DIAPH3: variants seen among roughly 807,000 people sequenced by gnomAD.
DIAPH3 encodes protein diaphanous homolog 3.
Under a neutral mutation model 144.3 loss-of-function variants are expected in DIAPH3, and 117 were observed. The ratio of observed to expected loss-of-function variants is 0.81; its 90% CI spans 0.70 to 0.95. DIAPH3 has a LOEUF of 0.95. DIAPH3 is among the 40% of genes least tolerant of loss of function. The pLI is 0.00. For missense variants in DIAPH3, 1,421 were observed against 1,412.7 expected (o/e 1.01, Z -0.09); for synonymous variants, 519 against 488.9 (o/e 1.06, Z -0.81).
intron 25 of DIAPH3, among the ~76,000 whole-genome samples, chr13:59,804,304 A>G (rs2040084202): frequency 1.3e-5 from 2 of 152,198 alleles, no homozygotes; most frequent in Non-Finnish European, 2.9e-5. Context: ...CTATATAGGT[A>G]TAGTCTAGTG....
chr13:59,875,549 A>C (rs1484140885), intron 21 of DIAPH3, among the ~76,000 whole-genome samples: 1 of 152,020 alleles, frequency 6.6e-6, no homozygotes, highest in Non-Finnish European at 1.5e-5. Flanking sequence ...TCCTGACGAA[A>C]CTGACTCATT....
At chr13:59,704,198 G>C (rs938244464) in intron 27 of DIAPH3, among the ~76,000 whole-genome samples, 2 of 152,208 alleles carry the variant, frequency 1.3e-5, no homozygotes, top group African/African-American at 4.8e-5. Flanking sequence ...GGCCCTTCAA[G>C]TTTCCCTTTT....
intron 25 of DIAPH3, among the ~76,000 whole-genome samples, chr13:59,777,861 G>C (rs1467695072): frequency 1.3e-5 from 2 of 152,036 alleles, no homozygotes; most frequent in Non-Finnish European, 2.9e-5. Flanking sequence ...AGACTAAAGA[G>C]GAACGACAAT....
intron 4 of DIAPH3, among the ~76,000 whole-genome samples, chr13:60,044,928 G>A (rs747295987): frequency 1.3e-5 from 2 of 152,082 alleles, no homozygotes; most frequent in African/African-American, 2.4e-5. Context: ...CCTTCGCTTG[G>A]CACTTCTTGC....
At chr13:60,084,333 G>T (rs1195434435) in intron 4 of DIAPH3, among the ~76,000 whole-genome samples, 1 of 151,540 alleles carries the variant, frequency 6.6e-6, no homozygotes, top group African/African-American at 2.4e-5. Flanking sequence ...ATTTTTATTC[G>T]ACAAACGGTT....
At chr13:59,923,094 T>A (rs765748350) in intron 18 of DIAPH3, among the ~76,000 whole-genome samples, 2 of 152,064 alleles carry the variant, frequency 1.3e-5, no homozygotes, top group African/African-American at 2.4e-5. Context: ...AAATTTGAAA[T>A]CCCATGTAGA....
At chr13:59,886,958 C>T (rs140836535) in intron 20 of DIAPH3, among the ~76,000 whole-genome samples, 6 of 152,070 alleles carry the variant, frequency 3.9e-5, no homozygotes, top group Middle Eastern at 3.4e-3. Flanking sequence ...CAAATAGACA[C>T]CTTTACCAGG....
At chr13:60,044,688 G>A (rs1162965355) in intron 4 of DIAPH3, among the ~76,000 whole-genome samples, 1 of 152,130 alleles carries the variant, frequency 6.6e-6, no homozygotes, top group Non-Finnish European at 1.5e-5. Flanking sequence ...CTCATATATA[G>A]AGAGAATATT....
intron 20 of DIAPH3, among the ~76,000 whole-genome samples, chr13:59,880,680 C>A (rs1459328129): frequency 6.6e-6 from 1 of 151,930 alleles, no homozygotes; most frequent in Non-Finnish European, 1.5e-5. Flanking sequence ...ACTCATCTGA[C>A]AAAAATTGAG....
At position 60,016,097 on chromosome 13, in the gene DIAPH3, A is replaced by T; in HGVS notation, c.675T>A (p.Ile225=). ...TTTTTCCACTAATCAGTTTTTCCAA[A>T]ATGTCTAATAATAATCCAAGCCCTT... The part of the protein sequence containing the change: ...GHEGLGLLLD[I]LEKLISGKIQ... The change falls in exon 6 of 28, where the codon ATT becomes ATA. Residue 225 remains isoleucine, a synonymous_variant. Transcript: ENST00000400324. The T allele has an allele frequency of 6.2e-7, 1 of 1,613,714 alleles. No homozygotes were observed. Among genetic ancestry groups the T allele is most frequent in the East Asian group, 2.2e-5 (1 of 44,780 alleles).
At chr13:59,748,463 A>G (rs1014938254) in intron 27 of DIAPH3, among the ~76,000 whole-genome samples, 1 of 152,220 alleles carries the variant, frequency 6.6e-6, no homozygotes, top group Admixed American at 6.5e-5. Flanking sequence ...TCAGAACCCT[A>G]TGGGAGACCC....
chr13:59,892,102 A>G (rs894691340), intron 20 of DIAPH3, among the ~76,000 whole-genome samples: 1 of 152,024 alleles, frequency 6.6e-6, no homozygotes, highest in African/African-American at 2.4e-5. Flanking sequence ...GGGGAGAAAA[A>G]GAGATAGAAA....
chr13:60,108,284 T>C (rs2058472958), intron 3 of DIAPH3, among the ~76,000 whole-genome samples: 1 of 152,114 alleles, frequency 6.6e-6, no homozygotes, highest in South Asian at 2.1e-4. Flanking sequence ...TGAAGATAAT[T>C]AAAGAAAACT....
intron 27 of DIAPH3, among the ~76,000 whole-genome samples, chr13:59,718,350 G>C (rs2035165164): frequency 6.6e-6 from 1 of 152,128 alleles, no homozygotes; most frequent in South Asian, 2.1e-4. Flanking sequence ...AAGTCTCCCT[G>C]AATAGCTCAG....
Position 59,992,068 on chromosome 13 carries a change from T to C in DIAPH3, c.1244A>G (p.Asp415Gly). Reference sequence around the variant, plus strand: ...ACTAGACTTCAGAACAAAAGGATATTCAAGTTCAGCTCTAATATCTTCAAG... The same window carrying C: ...ACTAGACTTCAGAACAAAAGGATATCCAAGTTCAGCTCTAATATCTTCAAG... ...HRLEDIRAELDEAYDVYNMVW... is the reference protein window; with the variant it reads ...HRLEDIRAELGEAYDVYNMVW... The change falls in exon 11 of 28, where the codon GAT becomes GGT. Residue 415 changes from aspartate to glycine, a missense_variant and splice_region_variant. By Grantham distance (94) the Asp-to-Gly change is moderately conservative (BLOSUM62 -1). Coordinates refer to ENST00000400324, the MANE Select transcript of DIAPH3 (RefSeq NM_001042517.2). The C allele has an allele frequency of 6.2e-7, 1 of 1,609,252 alleles. No homozygotes were observed. Among genetic ancestry groups the C allele is most frequent in the Non-Finnish European group, 8.5e-7 (1 of 1,176,286 alleles).
At chr13:59,983,683 A>G in intron 13 of DIAPH3, 86 bp downstream of exon 13, 1 of 894,914 alleles carries the variant, frequency 1.1e-6, no homozygotes, top group Non-Finnish European at 1.8e-6. Flanking sequence ...AGGAGTCCAG[A>G]GACACAACCC....
intron 4 of DIAPH3, among the ~76,000 whole-genome samples, chr13:60,050,463 T>C (rs59624755): frequency 6.6e-6 from 1 of 152,250 alleles, no homozygotes; most frequent in African/African-American, 2.4e-5. Context: ...GAGTGTCAAA[T>C]GTTTTTGTAT....
chr13:59,831,537 C>G (rs930104134), intron 24 of DIAPH3, among the ~76,000 whole-genome samples: 2 of 151,870 alleles, frequency 1.3e-5, no homozygotes, highest in Non-Finnish European at 2.9e-5. Context: ...TATTGAGAGT[C>G]AGTCACTTTA....
Position 60,100,134 on chromosome 13 carries a change from GA to G in DIAPH3, c.391-6403del, listed in dbSNP as rs1476203477. Among the ~76,000 whole-genome samples, 37 of 152,230 alleles carry G rather than the reference GA, an allele frequency of 2.4e-4. No individual in the cohort carries two copies. The South Asian group carries it at 7.5e-3, about 31-fold the overall frequency. Reference sequence around the variant, plus strand: ...GATATCCTTTTTCTCCTTAATTATAGAGGGGAAATACTAACTTTACAAGGGA... The same window carrying G: ...GATATCCTTTTTCTCCTTAATTATAGGGGGAAATACTAACTTTACAAGGGA... On this transcript the variant is annotated intron_variant, in intron 3 of 27. Transcript: ENST00000400324.
Sources: allele counts gnomAD v4.1 joint callset (sites outside exome capture counted in the v4.1 genomes callset), GRCh38; gene constraint gnomAD v4.1.1; transcripts MANE v1.5; gene names NCBI Gene and HGNC (gene_info 2026-07-23, HGNC 2026-07-21).